The following DIO2 variants were observed in gnomAD, a reference collection of about 807,000 sequenced individuals.
DIO2 encodes iodothyronine deiodinase 2.
A neutral mutation model predicts 21.4 loss-of-function variants in DIO2; 19 were observed. That is an observed-to-expected ratio of 0.89 (90% confidence interval 0.62 to 1.30). The LOEUF (loss-of-function observed/expected upper bound fraction) is 1.30, where lower values mean the gene tolerates loss of function less well. Ranked by LOEUF, DIO2 falls within the 50% of genes most tolerant of loss-of-function variation. The pLI is 0.00. For synonymous variants in DIO2, 122 were observed against 132.9 expected, an observed-to-expected ratio of 0.92 and a Z score of 0.57; for missense variants, 302 against 338.1, an observed-to-expected ratio of 0.89 and a Z score of 0.84.
intron 2 of DIO2, among the ~76,000 whole-genome samples, chr14:80,224,339 T>C (rs1888526683): frequency 6.6e-6 from 1 of 152,194 alleles, no homozygotes; most frequent in Non-Finnish European, 1.5e-5. Context: ...TACTAAATCC[T>C]AATCTCTGGA....
chr14:80,211,449 C>T lies in DIO2; in HGVS notation c.24G>A (p.Leu8=). MGILSVD[L]LITLQILPVF... Reference sequence around the variant, plus strand: ...CTGGCAGAATTTGCAGTGTGATCAGCAAGTCTACGCTGAGGATGCCCATCT... The same window carrying T: ...CTGGCAGAATTTGCAGTGTGATCAGTAAGTCTACGCTGAGGATGCCCATCT... The change falls in exon 1 of 2, where the codon TTG becomes TTA. Residue 8 remains leucine, a synonymous_variant. Transcript: ENST00000438257. The T allele has an allele frequency of 6.2e-7, 1 of 1,610,846 alleles. No homozygotes were observed. The highest frequency in any genetic ancestry group is 8.5e-7 in the Non-Finnish European group (1 of 1,178,770).
upstream of DIO2, among the ~76,000 whole-genome samples, chr14:80,213,071 G>GA (rs574839051): frequency 1.8e-3 from 274 of 152,032 alleles, 1 homozygote; most frequent in African/African-American, 6.3e-3. Context: ...CTTTTTGTTT[G>GA]AAAAAAATTT....
chr14:80,212,508 C>T (rs1174310500), upstream of DIO2, among the ~76,000 whole-genome samples: 1 of 152,020 alleles, frequency 6.6e-6, no homozygotes, highest in Admixed American at 6.6e-5. Context: ...TTCTGATTAT[C>T]ATTATCATTA....
At chr14:80,220,049 TG>T in intron 2 of DIO2, among the ~76,000 whole-genome samples, 1 of 151,876 alleles carries the variant, frequency 6.6e-6, no homozygotes, top group African/African-American at 2.4e-5. Context: ...TTTGTGTGTG[TG>T]TGTGTGTGTG....
At chr14:80,208,549 T>C (rs763191246) in intron 1 of DIO2, among the ~76,000 whole-genome samples, 2 of 152,240 alleles carry the variant, frequency 1.3e-5, no homozygotes, top group Non-Finnish European at 2.9e-5. Flanking sequence ...TGTGTAGTTG[T>C]ATCACATGAG....
At chr14:80,207,335 G>C (rs535035402) in intron 1 of DIO2, among the ~76,000 whole-genome samples, 2 of 152,314 alleles carry the variant, frequency 1.3e-5, no homozygotes, top group African/African-American at 4.8e-5. Flanking sequence ...GAAATGCAGG[G>C]CAAGGGGGAG....
Position 80,211,398 on chromosome 14 carries a change from C to T in DIO2, c.75G>A (p.Leu25=). ...LPVFFSNCLF[L]ALYDSVILLK... Reference sequence around the variant, plus strand: ...GCAGAATGACCGAGTCATAGAGAGCCAGGAAGAGGCAGTTGGAGAAAAAAA... The same window carrying T: ...GCAGAATGACCGAGTCATAGAGAGCTAGGAAGAGGCAGTTGGAGAAAAAAA... Residue 25 remains leucine, a synonymous_variant, in exon 1 of 2, where the codon CTG becomes CTA. Coordinates refer to ENST00000438257, the MANE Select transcript of DIO2 (RefSeq NM_013989.5). 6.2e-7 allele frequency: 1 copy of T among 1,613,570 alleles called. No individual in the cohort carries two copies. The highest frequency in any genetic ancestry group is 2.2e-5 in the East Asian group (1 of 44,808).
In DIO2 at chr14:80,201,379, T is replaced by C. The variant is rs748239994; in HGVS notation, c.*1310A>G. ...ATTTTGCAATGGAAGTAAGCTTGTT[T>C]GTTTGCACCTATTCTTCACTATAGC... On this transcript the variant is annotated 3_prime_UTR_variant, in exon 2 of 2. Coordinates refer to ENST00000438257, the MANE Select transcript of DIO2 (RefSeq NM_013989.5). 2.0e-5 allele frequency: 3 copies of C among 152,168 alleles called. No individual in the cohort carries two copies. Among genetic ancestry groups the C allele is most frequent in the Non-Finnish European group, 4.4e-5 (3 of 68,018 alleles). The allele number at this position is 152,168 out of a possible 1,614,324, so 9.4% of individuals were successfully genotyped here.
chr14:80,227,367 T>C (rs561513639), intron 2 of DIO2, among the ~76,000 whole-genome samples: 3 of 152,204 alleles, frequency 2.0e-5, no homozygotes, highest in Non-Finnish European at 2.9e-5. Context: ...AGCTCAATCA[T>C]GTATATACCA....
chr14:80,218,028 T>C (rs1888391422), intron 2 of DIO2, among the ~76,000 whole-genome samples: 1 of 152,194 alleles, frequency 6.6e-6, no homozygotes, highest in Non-Finnish European at 1.5e-5. Flanking sequence ...GGTTAAAATG[T>C]TTTCTCATAT....
chr14:80,218,108 AT>A (rs1467559170), intron 2 of DIO2, among the ~76,000 whole-genome samples: 2 of 152,206 alleles, frequency 1.3e-5, no homozygotes, highest in Non-Finnish European at 2.9e-5. Flanking sequence ...AATATTCAAT[AT>A]AAAAAAAATC....
rs144069565 is a variant in DIO2 at position 80,208,908 on chromosome 14, G to A, written c.222+2343C>T. Among the ~76,000 whole-genome samples the A allele has an allele frequency of 9.2e-4, 140 of 152,246 alleles. No homozygotes were observed. The Middle Eastern group carries it at 0.01, about 11-fold the overall frequency. On this transcript the variant is annotated intron_variant, in intron 1 of 1. Coordinates refer to ENST00000438257, the MANE Select transcript of DIO2 (RefSeq NM_013989.5). ...TTGTTTCTGGATATGTGGGTCCTGGGGTTGCTTCTGCACATGGTAGCTATT... is the reference window on the plus strand; with the variant it reads ...TTGTTTCTGGATATGTGGGTCCTGGAGTTGCTTCTGCACATGGTAGCTATT...
Position 80,202,891 on chromosome 14 carries a change from T to C in DIO2, c.620A>G (p.Gln207Arg). The C allele has an allele frequency of 6.2e-7, 1 of 1,613,966 alleles. No individual in the cohort carries two copies. The highest frequency in any genetic ancestry group is 8.5e-7 in the Non-Finnish European group (1 of 1,179,874). The change falls in exon 2 of 2, where the codon CAG becomes CGG. Residue 207 changes from glutamine (Q) to arginine (R), a missense_variant. Transcript: ENST00000438257. ...CATGCGGTCAGCCACAACTCGGCAC[T>C]GGGGCGGCAAGGAGAAACGCTCCAG... The part of the protein sequence containing the change: ...QLLERFSLPP[Q>R]CRVVADRMDN...
chr14:80,217,514 C>T (rs971007919), intron 2 of DIO2, among the ~76,000 whole-genome samples: 2 of 152,224 alleles, frequency 1.3e-5, no homozygotes, highest in Non-Finnish European at 2.9e-5. Context: ...GACAGGAAAG[C>T]ATTAGGGTGT....
chr14:80,212,336 CT>C (rs58062120), upstream of DIO2, among the ~76,000 whole-genome samples: 639 of 147,876 alleles, frequency 4.3e-3, 6 homozygotes, highest in African/African-American at 0.013. Context: ...AACTCGACAA[CT>C]TTTTTTTTTT....
Position 80,202,276 on chromosome 14 carries a change from T to A in DIO2, c.*413A>T. On this transcript the variant is annotated 3_prime_UTR_variant, in exon 2 of 2. Transcript: ENST00000438257. The stretch of plus-strand genomic sequence containing the variant: ...GAATTTTCCAACTGGGCTCCATCCA[T>A]GCCAAATAGAGCCAAGGCAATACCC... 1 of 519,494 alleles carries A rather than the reference T, an allele frequency of 1.9e-6. No homozygotes were observed. Among genetic ancestry groups the A allele is most frequent in the Non-Finnish European group, 3.8e-6 (1 of 261,084 alleles). The allele number at this position is 519,494 out of a possible 1,614,324, so 32.2% of individuals were successfully genotyped here.
intron 2 of DIO2, chr14:80,219,504 C>CTTTTTTTTTTTTTTTT (rs1566666996): frequency 7.0e-6 from 1 of 142,026 alleles, no homozygotes; most frequent in African/African-American, 2.7e-5. Flanking sequence ...AACTGTAAGT[C>CTTTTTTTTTTTTTTTT]ATTTTTTTTT....
At position 80,202,440 on chromosome 14, in the gene DIO2, C is replaced by G; in HGVS notation, c.*249G>C. 1.4e-6 allele frequency: 1 copy of G among 720,520 alleles called. No individual in the cohort carries two copies. The allele number at this position is 720,520 out of a possible 1,614,324, so 44.6% of individuals were successfully genotyped here. Reference sequence around the variant, plus strand: ...ACACATGCTGAATTAGCGTTTCTTCCTCTCCATCTTGGGATCTTTTCACAT... The same window carrying G: ...ACACATGCTGAATTAGCGTTTCTTCGTCTCCATCTTGGGATCTTTTCACAT... On this transcript the variant is annotated 3_prime_UTR_variant, in exon 2 of 2. Transcript: ENST00000438257.
chr14:80,206,133 A>C, intron 1 of DIO2: 1 of 799,966 alleles, frequency 1.3e-6, no homozygotes, highest in Middle Eastern at 3.5e-4. Context: ...TAATGTCATA[A>C]ATGGATATGC....
Sources: gnomAD v4.1 joint callset for allele counts (sites outside exome capture counted in the v4.1 genomes callset) on GRCh38, gnomAD v4.1.1 for gene constraint, MANE v1.5 for transcripts, NCBI Gene and HGNC (gene_info 2026-07-23, HGNC 2026-07-21) for gene names.